Variants in CALN1 observed in about 807,000 individuals in gnomAD.
CALN1 encodes the protein calneuron 1, also known as calcium-binding protein 8.
CALN1 carries 17 observed loss-of-function variants against 30.6 expected under a neutral mutation model. That is an observed-to-expected ratio of 0.56 (90% CI 0.38 to 0.83). The LOEUF (loss-of-function observed/expected upper bound fraction) is 0.83. CALN1 is among the 40% of genes least tolerant of loss of function. The probability of loss-of-function intolerance (pLI) is 0.00; values close to 1 mark genes in which losing one functional copy is unlikely to be tolerated. For missense variants in CALN1, 291 were observed against 354.9 expected, an observed-to-expected ratio of 0.82 and a Z score of 1.45; for synonymous variants, 156 against 131.4, an observed-to-expected ratio of 1.19 and a Z score of -1.28.
chr7:72,253,387 GTTTGT>G (rs1795695824), intron 3 of CALN1, among the ~76,000 whole-genome samples: 1 of 152,134 alleles, frequency 6.6e-6, no homozygotes, highest in African/African-American at 2.4e-5. Context: ...ATTTGTGTTA[GTTTGT>G]TTTAAGGACT....
chr7:71,964,234 CAAACTCCTA>C (rs1797414501), intron 5 of CALN1, among the ~76,000 whole-genome samples: 1 of 152,178 alleles, frequency 6.6e-6, no homozygotes, highest in Non-Finnish European at 1.5e-5. Context: ...CCCTGCTGCT[CAAACTCCTA>C]AGGAAGCATG....
rs192839481 is a variant in CALN1 at position 72,265,326 on chromosome 7, A to G, written c.244+13360T>C. 9.2e-5 allele frequency among the ~76,000 whole-genome samples: 14 copies of G among 152,298 alleles called. No individual in the cohort carries two copies. The East Asian group carries it at 2.5e-3, about 27-fold the overall frequency. On this transcript the variant is annotated intron_variant, in intron 3 of 6. Transcript: ENST00000395275. ...ATGCCCTGGATGCCACTGTGAAGAG[A>G]GAAGACCAGTGAGTCATTGCTGCTA...
chr7:72,247,310 G>A (rs1291225081), intron 3 of CALN1, among the ~76,000 whole-genome samples: 2 of 132,588 alleles, frequency 1.5e-5, no homozygotes, highest in Non-Finnish European at 3.0e-5. Context: ...GTGCAGTGGC[G>A]CGACGTTGGC....
At chr7:71,842,673 T>C (rs12699100) in intron 5 of CALN1, among the ~76,000 whole-genome samples, 44,232 of 152,106 alleles carry the variant, frequency 0.29, 7,041 homozygotes, top group East Asian at 0.67. Context: ...TAGAGCACTT[T>C]GATAACATGC....
intron 2 of CALN1, among the ~76,000 whole-genome samples, chr7:72,324,878 TCA>T (rs1491423733): frequency 6.6e-6 from 1 of 152,030 alleles, no homozygotes; most frequent in Non-Finnish European, 1.5e-5. Flanking sequence ...GCCACTGCTC[TCA>T]GTCTCAAATT....
chr7:71,877,698 G>A (rs1305659687), intron 5 of CALN1, among the ~76,000 whole-genome samples: 1 of 151,860 alleles, frequency 6.6e-6, no homozygotes, highest in African/African-American at 2.4e-5. Flanking sequence ...AACACTTAAT[G>A]TCACAAAAAT....
At chr7:72,401,005 G>A (rs1180546249) in intron 2 of CALN1, among the ~76,000 whole-genome samples, 6 of 152,226 alleles carry the variant, frequency 3.9e-5, no homozygotes, top group African/African-American at 9.6e-5. Flanking sequence ...CCACTGCAGC[G>A]AGGAAACAGT....
At chr7:72,353,807 G>A (rs547057813) in intron 2 of CALN1, among the ~76,000 whole-genome samples, 14 of 152,174 alleles carry the variant, frequency 9.2e-5, no homozygotes, top group African/African-American at 3.4e-4. Flanking sequence ...AAAAATAAGG[G>A]TATTTGAATG....
intron 5 of CALN1, among the ~76,000 whole-genome samples, 173 bp downstream of exon 5, chr7:72,023,484 C>T (rs1482844875): frequency 6.6e-6 from 1 of 152,094 alleles, no homozygotes; most frequent in Non-Finnish European, 1.5e-5. Flanking sequence ...GGAGATATTT[C>T]ACTCCTCCAA....
chr7:72,331,721 G>A (rs1423828728), intron 2 of CALN1, among the ~76,000 whole-genome samples: 1 of 151,866 alleles, frequency 6.6e-6, no homozygotes, highest in African/African-American at 2.4e-5. Context: ...AAGTTCAGAG[G>A]TACATGTGCA....
intron 6 of CALN1, among the ~76,000 whole-genome samples, chr7:71,803,319 A>G (rs768207548): frequency 3.9e-5 from 6 of 152,158 alleles, no homozygotes; most frequent in Non-Finnish European, 7.3e-5. Flanking sequence ...ATTGATGGAA[A>G]GGTCGACTGC....
At chr7:72,294,128 A>C (rs1026236154) in intron 2 of CALN1, among the ~76,000 whole-genome samples, 2 of 152,122 alleles carry the variant, frequency 1.3e-5, no homozygotes, top group African/African-American at 4.8e-5. Flanking sequence ...CCTTCAGAAT[A>C]ATAATGGCTT....
intron 5 of CALN1, among the ~76,000 whole-genome samples, chr7:72,006,693 G>A (rs940321369): frequency 6.6e-6 from 1 of 152,006 alleles, no homozygotes; most frequent in Admixed American, 6.6e-5. Flanking sequence ...ATAATGGATG[G>A]ACCACGAAGG....
the CALN1 span, among the ~76,000 whole-genome samples, chr7:72,468,882 C>T: frequency 1.3e-5 from 2 of 152,198 alleles, no homozygotes; most frequent in South Asian, 4.1e-4. Context: ...TGTTCAAATC[C>T]TTTGCCCATT....
chr7:72,486,012 G>C, the CALN1 span, among the ~76,000 whole-genome samples: 1 of 152,108 alleles, frequency 6.6e-6, no homozygotes, highest in South Asian at 2.1e-4. Context: ...CTATTTCATC[G>C]TTATATGAAC....
At chr7:71,932,002 T>C (rs141494173) in intron 5 of CALN1, among the ~76,000 whole-genome samples, 47 of 152,204 alleles carry the variant, frequency 3.1e-4, no homozygotes, top group African/African-American at 1.1e-3. Flanking sequence ...GCTGGTGTGA[T>C]TCTGGAACTG....
At chr7:72,073,030 G>C (rs1804505525) in intron 4 of CALN1, among the ~76,000 whole-genome samples, 1 of 152,136 alleles carries the variant, frequency 6.6e-6, no homozygotes, top group African/African-American at 2.4e-5. Context: ...ACAAATAGGT[G>C]AATGACAGAA....
At chr7:72,036,364 T>A (rs989996699) in intron 4 of CALN1, among the ~76,000 whole-genome samples, 1 of 152,216 alleles carries the variant, frequency 6.6e-6, no homozygotes, top group South Asian at 2.1e-4. Context: ...TCTCCTTGAA[T>A]GTTTAATATT....
chr7:71,784,746 G>A lies in CALN1; in HGVS notation c.*3029C>T, dbSNP rs1584199391. 2 of 398,500 alleles carry A rather than the reference G, an allele frequency of 5.0e-6. No individual in the cohort carries two copies. Among genetic ancestry groups the A allele is most frequent in the Non-Finnish European group, 4.4e-6 (1 of 226,048 alleles). 24.7% of individuals were successfully genotyped at this position (398,500 alleles called of 1,614,324 possible). On this transcript the variant is annotated 3_prime_UTR_variant, in exon 7 of 7. Coordinates refer to ENST00000395275, the MANE Select transcript of CALN1 (RefSeq NM_031468.4). The stretch of plus-strand genomic sequence containing the variant: ...GCCAAGGTCACTGGTTCCTAAGTCC[G>A]GAGGACAGAATGAGGGGTGAGCTAT...
Sources: gnomAD v4.1 joint callset for allele counts (sites outside exome capture counted in the v4.1 genomes callset) on GRCh38, gnomAD v4.1.1 for gene constraint, MANE v1.5 for transcripts, NCBI Gene and HGNC (gene_info 2026-07-23, HGNC 2026-07-21) for gene names.